GALNT9: variants seen among roughly 807,000 people sequenced by gnomAD.
GALNT9 encodes GalNAc transferase 9.
Under a neutral mutation model 63.1 loss-of-function variants are expected in GALNT9, and 47 were observed. The observed-to-expected ratio is 0.75, with a 90% confidence interval of 0.59 to 0.95. GALNT9 has a LOEUF of 0.95. Among genes scored for constraint, GALNT9 ranks in the 40% least tolerant of loss-of-function variants. The probability of loss-of-function intolerance (pLI) is 0.00; values close to 1 mark genes in which losing one functional copy is unlikely to be tolerated. For synonymous variants in GALNT9, 396 were observed against 365.7 expected (o/e 1.08, Z -0.94); for missense variants, 829 against 874.8 (o/e 0.95, Z 0.66).
At chr12:132,255,291 G>A (rs73469817) in intron 5 of GALNT9, among the ~76,000 whole-genome samples, 2,534 of 152,266 alleles carry the variant, frequency 0.017, 69 homozygotes, top group African/African-American at 0.057. Flanking sequence ...CAGTTAGCAG[G>A]TCCCTAAAGA....
chr12:132,217,506 A>G (rs1256610670), intron 6 of GALNT9, among the ~76,000 whole-genome samples: 1 of 140,072 alleles, frequency 7.1e-6, no homozygotes, highest in African/African-American at 2.7e-5. Flanking sequence ...CCACCCATCC[A>G]TCCATCCATC....
At chr12:132,292,379 C>T (rs1880893373) in intron 1 of GALNT9, among the ~76,000 whole-genome samples, 1 of 152,166 alleles carries the variant, frequency 6.6e-6, no homozygotes, top group South Asian at 2.1e-4. Flanking sequence ...GGCGGGATCT[C>T]CCTCCCCATC....
chr12:132,285,586 G>A (rs945136954), intron 2 of GALNT9, among the ~76,000 whole-genome samples: 3 of 152,228 alleles, frequency 2.0e-5, no homozygotes, highest in African/African-American at 4.8e-5. Context: ...CGCAGGCCAC[G>A]GATGGAACGG....
intron 2 of GALNT9, among the ~76,000 whole-genome samples, chr12:132,271,201 C>T (rs1219880474): frequency 6.6e-6 from 1 of 151,870 alleles, no homozygotes; most frequent in Admixed American, 6.5e-5. Context: ...ACGTGAACAG[C>T]CTGTGTGTGT....
Position 132,326,089 on chromosome 12 carries a change from G to GTC in GALNT9, c.238+2875_238+2876dup, listed in dbSNP as rs1410279628. 3.9e-5 allele frequency among the ~76,000 whole-genome samples: 6 copies of GTC among 152,390 alleles called. No homozygotes were observed. The East Asian group carries it at 9.6e-4, about 24-fold the overall frequency. On this transcript the variant is annotated intron_variant, in intron 1 of 10. Coordinates refer to ENST00000328957, the MANE Select transcript of GALNT9 (RefSeq NM_001122636.2). ...CGCCTAGAGAAAGTGGGGGCTCTTTGTCTCTCTCTCCCCTTCCCATCTCAA... is the reference window on the plus strand; with the variant it reads ...CGCCTAGAGAAAGTGGGGGCTCTTTGTCTCTCTCTCTCCCCTTCCCATCTCAA...
chr12:132,209,499 G>A (rs575588110), intron 6 of GALNT9, among the ~76,000 whole-genome samples: 9 of 152,246 alleles, frequency 5.9e-5, no homozygotes, highest in East Asian at 3.9e-4. Flanking sequence ...GCAGTGAGCC[G>A]AGATCGCACC....
rs1339519472 is a variant in GALNT9, at chr12:132,282,394, C to T, written c.419+3856G>A. On this transcript the variant is annotated intron_variant, in intron 2 of 10. Coordinates refer to ENST00000328957, the MANE Select transcript of GALNT9 (RefSeq NM_001122636.2). The surrounding 1 kb of genome is among the most constrained non-coding windows in gnomAD (Gnocchi z 4.5). ...GTGCTTAAAGAAAAAACTAAAAATA[C>T]GTGTGTGCGCGTGTGTGCGTGTGTG... 4.0e-5 allele frequency among the ~76,000 whole-genome samples: 6 copies of T among 149,326 alleles called. No individual in the cohort carries two copies. Among genetic ancestry groups the T allele is most frequent in the African/African-American group, 1.0e-4 (4 of 39,074 alleles).
At chr12:132,260,080 C>A (rs1879318617) in intron 4 of GALNT9, among the ~76,000 whole-genome samples, 1 of 109,574 alleles carries the variant, frequency 9.1e-6, no homozygotes, top group South Asian at 2.9e-4. Context: ...CCCGTAGGTG[C>A]CCTCTGTGGG....
intron 1 of GALNT9, among the ~76,000 whole-genome samples, chr12:132,304,563 A>G (rs1404798084): frequency 2.2e-4 from 6 of 27,496 alleles, no homozygotes; most frequent in Non-Finnish European, 3.5e-4. Flanking sequence ...ACACACCCTC[A>G]CCGGGGCACA....
At chr12:132,283,751 C>CG (rs1382085311) in intron 2 of GALNT9, 5 of 121,286 alleles carry the variant, frequency 4.1e-5, no homozygotes, top group African/African-American at 2.0e-4. Context: ...TCCATGGGAC[C>CG]CCCCCCCAGG....
rs1593085687 is a variant in GALNT9, at chr12:132,252,125, C to T, written c.960-4098G>A. Among the ~76,000 whole-genome samples, 1 of 152,282 alleles carries T rather than the reference C, an allele frequency of 6.6e-6. No individual in the cohort carries two copies. The highest frequency in any genetic ancestry group is 1.9e-4 in the East Asian group (1 of 5,162). On this transcript the variant is annotated intron_variant, in intron 5 of 10. Transcript: ENST00000328957. The surrounding 1 kb of genome is among the most constrained non-coding windows in gnomAD (Gnocchi z 5.2). ...GAAGAGGACTAGAACAGGGTGGAGG[C>T]CAACAGGGCAGCCACCTCCACAGGC...
chr12:132,244,047 C>T (rs2136906159), intron 6 of GALNT9, among the ~76,000 whole-genome samples: 4 of 150,502 alleles, frequency 2.7e-5, no homozygotes, highest in African/African-American at 7.3e-5. Flanking sequence ...ACCTCAGGGG[C>T]GGCAACGTGC....
intron 5 of GALNT9, among the ~76,000 whole-genome samples, chr12:132,250,701 G>A (rs1555238465): frequency 6.6e-6 from 1 of 152,224 alleles, no homozygotes; most frequent in African/African-American, 2.4e-5. Context: ...TGAGGCAGGA[G>A]AATCACTTGA....
At position 132,314,298 on chromosome 12, in the gene GALNT9, T is replaced by A. The variant is rs73152607; in HGVS notation, c.238+14668A>T. ...AGCACATACTATACATCAGGCATCA[T>A]GTTATCTGTCTGTCCAAATCCTGCC... On this transcript the variant is annotated intron_variant, in intron 1 of 10. Coordinates refer to ENST00000328957, the MANE Select transcript of GALNT9 (RefSeq NM_001122636.2). Among the ~76,000 whole-genome samples, 829 of 151,836 alleles carry A rather than the reference T, an allele frequency of 5.5e-3. 4 individuals carry two copies. Among genetic ancestry groups the A allele is most frequent in the Non-Finnish European group, 9.4e-3 (639 of 67,956 alleles).
chr12:132,285,141 G>C (rs1880539004), intron 2 of GALNT9, among the ~76,000 whole-genome samples: 1 of 152,228 alleles, frequency 6.6e-6, no homozygotes, highest in African/African-American at 2.4e-5. Flanking sequence ...GAGCTGCAGA[G>C]GGGGCTGCCC....
intron 1 of GALNT9, among the ~76,000 whole-genome samples, chr12:132,326,588 T>G (rs1426574640): frequency 2.6e-5 from 4 of 152,140 alleles, no homozygotes; most frequent in African/African-American, 9.7e-5. Context: ...CATGAAGACG[T>G]GGACTTCCTT....
chr12:132,268,012 TACAC>T (rs1297941460), intron 2 of GALNT9, among the ~76,000 whole-genome samples: 21 of 139,332 alleles, frequency 1.5e-4, no homozygotes, highest in Admixed American at 1.1e-3. Context: ...CACAGGCAGA[TACAC>T]ACGAACACAC....
intron 1 of GALNT9, among the ~76,000 whole-genome samples, chr12:132,307,026 C>G (rs1881642102): frequency 1.3e-5 from 2 of 152,006 alleles, no homozygotes; most frequent in Non-Finnish European, 2.9e-5. Flanking sequence ...TGGGGGTGAT[C>G]TGGGCTGTGA....
At position 132,199,255 on chromosome 12, in the gene GALNT9, T is replaced by C; in HGVS notation, c.1416A>G (p.Lys472=). The stretch of plus-strand genomic sequence containing the variant: ...CCTGGTCCAGACAGTAGGCACTGGC[T>C]TTGCTGTTTCTCACCTGCAAGCAGA... ...TLTYGEVRNS[K]ASAYCLDQGA... Residue 472 remains lysine, a synonymous_variant, in exon 9 of 11, where the codon AAA becomes AAG. Coordinates refer to ENST00000328957, the MANE Select transcript of GALNT9 (RefSeq NM_001122636.2). The C allele has an allele frequency of 6.2e-7, 1 of 1,604,350 alleles. No homozygotes were observed. Among genetic ancestry groups the C allele is most frequent in the Non-Finnish European group, 8.5e-7 (1 of 1,179,012 alleles).
Sources: gnomAD v4.1 joint callset for allele counts (sites outside exome capture counted in the v4.1 genomes callset) on GRCh38, gnomAD v4.1.1 for gene constraint, Gnocchi (gnomAD v3.1) non-coding constraint, MANE v1.5 for transcripts, NCBI Gene and HGNC (gene_info 2026-07-23, HGNC 2026-07-21) for gene names.